PCDHA3: variants seen among roughly 807,000 people sequenced by gnomAD.
PCDHA3 encodes the protein protocadherin alpha 3, also known as protocadherin alpha-3.
In PCDHA3, 41 loss-of-function variants were observed where a neutral mutation model predicts 62.2. That is an observed-to-expected ratio of 0.66 (90% CI 0.51 to 0.86). The LOEUF is 0.86. PCDHA3 is among the 40% of genes least tolerant of loss of function. The probability of loss-of-function intolerance (pLI) is 0.00; values close to 1 mark genes in which losing one functional copy is unlikely to be tolerated. For synonymous variants in PCDHA3, 640 were observed against 555.4 expected, an observed-to-expected ratio of 1.15 and a Z score of -2.14; for missense variants, 1,304 against 1,241.2, an observed-to-expected ratio of 1.05 and a Z score of -0.76.
At chr5:140,857,856 A>G in intron 1 of PCDHA3, 1 of 1,597,730 alleles carries the variant, frequency 6.3e-7, no homozygotes, top group Non-Finnish European at 8.6e-7. Context: ...TCTGGATACA[A>G]CGCGTGGCTG....
rs3806845 is a variant in PCDHA3 at position 140,801,152 on chromosome 5, C to T, written c.-46C>T. ...ATAAGGAACTCGAATTATTTTTAAA[C>T]TTTGGATCAATGTAAAGGCAATCTA... On this transcript the variant is annotated 5_prime_UTR_variant, in exon 1 of 4. Coordinates refer to ENST00000522353, the MANE Select transcript of PCDHA3 (RefSeq NM_018906.3). 0.54 allele frequency: 825,541 copies of T among 1,530,972 alleles called. 224,527 individuals carry two copies. Among genetic ancestry groups the T allele is most frequent in the African/African-American group, 0.73 (52,458 of 71,886 alleles). The allele number at this position is 1,530,972 out of a possible 1,614,324, so 94.8% of individuals were successfully genotyped here.
chr5:140,875,306 C>T, intron 1 of PCDHA3: 1 of 1,420,166 alleles, frequency 7.0e-7, no homozygotes, highest in Admixed American at 2.9e-5. Context: ...TTCTCCGCAC[C>T]CACATTCCAA....
chr5:140,829,574 G>A (rs2150170425), intron 1 of PCDHA3: 4 of 1,612,448 alleles, frequency 2.5e-6, no homozygotes, highest in Non-Finnish European at 3.4e-6. Context: ...CTACTCGCTG[G>A]TGGAGCGGCG....
intron 1 of PCDHA3, chr5:140,808,771 A>G (rs144593807): frequency 0.05 from 81,271 of 1,612,206 alleles, 2,409 homozygotes; most frequent in Middle Eastern, 0.074. Context: ...ACGAGGAGCT[A>G]GAGCTGCTGC....
chr5:140,806,931 A>T (rs1485084454), intron 1 of PCDHA3: 1 of 526,084 alleles, frequency 1.9e-6, no homozygotes, highest in Non-Finnish European at 3.3e-6. Context: ...AAAACCAAGT[A>T]GTTTACAGTA....
At chr5:140,990,284 T>C (rs2097384646) in intron 3 of PCDHA3, among the ~76,000 whole-genome samples, 1 of 152,142 alleles carries the variant, frequency 6.6e-6, no homozygotes, top group African/African-American at 2.4e-5. Flanking sequence ...GGTCTTGAGA[T>C]TATCGATGCC....
intron 1 of PCDHA3, chr5:140,927,418 C>A: frequency 6.2e-7 from 1 of 1,614,106 alleles, no homozygotes; most frequent in Non-Finnish European, 8.5e-7. Flanking sequence ...CATGGGATCG[C>A]GGGTTGACGG....
At position 140,835,912 on chromosome 5, in the gene PCDHA3, T is replaced by C. The variant is rs2150248212; in HGVS notation, c.2394+32321T>C. ...CGCGCGCTGTCGAGCTACGTGTCAG[T>C]GCACGCGGAGAGCGGCAAGGTGTAC... On this transcript the variant is annotated intron_variant, in intron 1 of 3. Coordinates refer to ENST00000522353, the MANE Select transcript of PCDHA3 (RefSeq NM_018906.3). 1.9e-5 allele frequency: 30 copies of C among 1,612,232 alleles called. 1 individual carries two copies. In the South Asian group the frequency reaches 2.6e-4, roughly 14 times the overall value.
intron 1 of PCDHA3, among the ~76,000 whole-genome samples, chr5:140,969,974 A>G (rs11750201): frequency 0.017 from 2,514 of 152,228 alleles, 25 homozygotes; most frequent in Middle Eastern, 0.037. Flanking sequence ...TGATGTGGCA[A>G]CTCTTCTGTA....
intron 1 of PCDHA3, among the ~76,000 whole-genome samples, chr5:140,946,611 A>AATATATATATATATATATATAT (rs1554217734): frequency 0.012 from 1,017 of 86,324 alleles, 26 homozygotes; most frequent in Middle Eastern, 0.016. Flanking sequence ...GAAAATGTGA[A>AATATATATATATATATATATAT]ATATATATAT....
rs556593659 is a variant in PCDHA3, at chr5:140,966,652, G to A, written c.2395-12297G>A. ...CCCAGGCGCTTTCTAGAGCGTGAGC[G>A]GTGGGGGAGCAGGCGCAGGGTGGCA... On this transcript the variant is annotated intron_variant, in intron 1 of 3. Coordinates refer to ENST00000522353, the MANE Select transcript of PCDHA3 (RefSeq NM_018906.3). 1.0e-5 allele frequency: 12 copies of A among 1,169,200 alleles called. No homozygotes were observed. In the Admixed American group the frequency reaches 2.0e-4, roughly 19 times the overall value. The allele number at this position is 1,169,200 out of a possible 1,614,324, so 72.4% of individuals were successfully genotyped here.
intron 1 of PCDHA3, chr5:140,829,904 G>A: frequency 6.2e-7 from 1 of 1,613,978 alleles, no homozygotes; most frequent in Admixed American, 1.7e-5. Flanking sequence ...AGGCTACAAC[G>A]CGTGGCTTTC....
chr5:140,969,613 T>C (rs2096347317), intron 1 of PCDHA3: 2 of 727,588 alleles, frequency 2.7e-6, no homozygotes, highest in African/African-American at 1.8e-5. Flanking sequence ...AAACACAGAT[T>C]TGTAGAGAAA....
intron 1 of PCDHA3, among the ~76,000 whole-genome samples, chr5:140,956,898 T>G (rs1554222699): frequency 6.6e-6 from 1 of 152,218 alleles, no homozygotes; most frequent in Admixed American, 6.6e-5. Flanking sequence ...ATGAATATTC[T>G]TAAATGTATA....
Position 140,846,415 on chromosome 5 carries a change from C to A in PCDHA3, c.2394+42824C>A, listed in dbSNP as rs1440795292. ...TTTGAGACGGAGTCTCGCTCTATCT[C>A]CCAGGCTGGAATGCAGTGGCGCAAT... On this transcript the variant is annotated intron_variant, in intron 1 of 3. Coordinates refer to ENST00000522353, the MANE Select transcript of PCDHA3 (RefSeq NM_018906.3). Among the ~76,000 whole-genome samples the A allele has an allele frequency of 3.7e-5, 5 of 135,678 alleles. 2 individuals carry two copies. Among genetic ancestry groups the A allele is most frequent in the Non-Finnish European group, 7.9e-5 (5 of 62,902 alleles). The allele number at this position is 135,678 out of a possible 152,430, so 89.0% of individuals were successfully genotyped here.
chr5:140,823,526 T>C, intron 1 of PCDHA3: 1 of 1,613,632 alleles, frequency 6.2e-7, no homozygotes, highest in South Asian at 1.1e-5. Flanking sequence ...CCGAGGTCAG[T>C]GGGTGCGGGC....
At chr5:140,850,013 C>G in intron 1 of PCDHA3, 1 of 1,597,018 alleles carries the variant, frequency 6.3e-7, no homozygotes, top group Non-Finnish European at 8.6e-7. Flanking sequence ...CGCTGTCGAG[C>G]TACGTGTCAG....
At chr5:140,882,435 T>C in intron 1 of PCDHA3, 2 of 1,614,036 alleles carry the variant, frequency 1.2e-6, no homozygotes, top group East Asian at 4.5e-5. Context: ...GGGCTGGAGC[T>C]GGCGGAGCTG....
intron 1 of PCDHA3, chr5:140,868,803 C>A: frequency 2.9e-6 from 1 of 350,392 alleles, no homozygotes; most frequent in South Asian, 7.0e-5. Context: ...CATAAATAAG[C>A]ACGTTGGAAA....
Sources: gnomAD v4.1 joint callset for allele counts (sites outside exome capture counted in the v4.1 genomes callset) on GRCh38, gnomAD v4.1.1 for gene constraint, MANE v1.5 for transcripts, NCBI Gene and HGNC (gene_info 2026-07-23, HGNC 2026-07-21) for gene names.